The following LHFPL6 variants were observed in gnomAD, a reference collection of about 807,000 sequenced individuals.
The protein encoded by LHFPL6 is LHFPL tetraspan subfamily member 6 protein.
Under a neutral mutation model 20.6 loss-of-function variants are expected in LHFPL6, and 9 were observed. The ratio of observed to expected loss-of-function variants is 0.44; its 90% CI spans 0.26 to 0.76. The LOEUF (loss-of-function observed/expected upper bound fraction) is 0.76. Among genes scored for constraint, LHFPL6 ranks in the 30% least tolerant of loss-of-function variants. The probability of loss-of-function intolerance (pLI) is 0.20; values close to 1 mark genes in which losing one functional copy is unlikely to be tolerated. For synonymous variants in LHFPL6, 105 were observed against 98.7 expected (o/e 1.06, Z -0.38); for missense variants, 218 against 253.5 (o/e 0.86, Z 0.95).
chr13:39,366,742 C>T (rs1870023252), intron 3 of LHFPL6, among the ~76,000 whole-genome samples: 1 of 152,156 alleles, frequency 6.6e-6, no homozygotes, highest in South Asian at 2.1e-4. Flanking sequence ...CTTTGTTGCC[C>T]TCTCCTCACA....
At chr13:39,346,169 A>G (rs1458915671) in intron 3 of LHFPL6, among the ~76,000 whole-genome samples, 2 of 152,180 alleles carry the variant, frequency 1.3e-5, no homozygotes, top group Non-Finnish European at 2.9e-5. Context: ...GCGCAGATAA[A>G]AAGGCAACGC....
chr13:39,514,043 C>A (rs1445023789), intron 2 of LHFPL6, among the ~76,000 whole-genome samples: 1 of 152,046 alleles, frequency 6.6e-6, no homozygotes, highest in African/African-American at 2.4e-5. Context: ...TCAGGGAGAA[C>A]CTGAGTGATG....
intron 2 of LHFPL6, among the ~76,000 whole-genome samples, chr13:39,570,015 C>T (rs1871863757): frequency 6.6e-6 from 1 of 152,178 alleles, no homozygotes; most frequent in Non-Finnish European, 1.5e-5. Flanking sequence ...CTTCAAAATT[C>T]TGAGAGTCTA....
intron 2 of LHFPL6, among the ~76,000 whole-genome samples, chr13:39,557,304 C>G (rs1231745588): frequency 6.6e-6 from 1 of 152,226 alleles, no homozygotes; most frequent in Non-Finnish European, 1.5e-5. Flanking sequence ...CGGGGCGAGC[C>G]ATCAGCCTTG....
intron 2 of LHFPL6, among the ~76,000 whole-genome samples, chr13:39,526,232 G>A (rs1870282556): frequency 6.6e-6 from 1 of 152,126 alleles, no homozygotes; most frequent in African/African-American, 2.4e-5. Context: ...TTAGCATACA[G>A]GGTACTCAAT....
intron 2 of LHFPL6, among the ~76,000 whole-genome samples, chr13:39,547,646 C>T (rs919867554): frequency 6.6e-6 from 1 of 152,108 alleles, no homozygotes; most frequent in African/African-American, 2.4e-5. Flanking sequence ...GGATTCTGTG[C>T]TGCATGCTGC....
chr13:39,578,322 G>A (rs543529673), intron 2 of LHFPL6, among the ~76,000 whole-genome samples: 2 of 152,304 alleles, frequency 1.3e-5, no homozygotes, highest in African/African-American at 4.8e-5. Context: ...ACAGTAACAT[G>A]TTCAACTGTT....
At chr13:39,597,151 C>T (rs756027921) in intron 2 of LHFPL6, among the ~76,000 whole-genome samples, 2 of 152,164 alleles carry the variant, frequency 1.3e-5, no homozygotes, top group East Asian at 1.9e-4. Context: ...GCATTCCACA[C>T]GCATTTCATA....
intron 2 of LHFPL6, among the ~76,000 whole-genome samples, chr13:39,548,238 T>C (rs529518772): frequency 2.0e-5 from 3 of 152,192 alleles, no homozygotes; most frequent in South Asian, 2.1e-4. Flanking sequence ...AGAATATGCA[T>C]TGGGAATTCA....
intron 2 of LHFPL6, among the ~76,000 whole-genome samples, chr13:39,535,744 A>C (rs767392317): frequency 1.3e-5 from 2 of 152,350 alleles, no homozygotes; most frequent in East Asian, 3.9e-4. Flanking sequence ...ATAAGAAATT[A>C]ACTTGAAGAT....
chr13:39,354,317 T>C (rs945964650), intron 3 of LHFPL6, among the ~76,000 whole-genome samples: 1 of 152,054 alleles, frequency 6.6e-6, no homozygotes, highest in Non-Finnish European at 1.5e-5. Context: ...AAGAAGCCAA[T>C]TGACTGTACA....
intron 2 of LHFPL6, among the ~76,000 whole-genome samples, chr13:39,589,647 C>T (rs1045211745): frequency 9.9e-5 from 15 of 152,016 alleles, no homozygotes; most frequent in African/African-American, 3.6e-4. Flanking sequence ...TAAAGACAGA[C>T]ACAAAGCCTT....
chr13:39,506,938 G>C (rs931288133), intron 2 of LHFPL6, among the ~76,000 whole-genome samples: 1 of 152,132 alleles, frequency 6.6e-6, no homozygotes, highest in Non-Finnish European at 1.5e-5. Flanking sequence ...CTCTGAGCTA[G>C]CCAAGAAGGA....
At chr13:39,483,805 C>A (rs1487771515) in intron 2 of LHFPL6, among the ~76,000 whole-genome samples, 1 of 152,130 alleles carries the variant, frequency 6.6e-6, no homozygotes, top group Non-Finnish European at 1.5e-5. Context: ...TTATCTGCCA[C>A]CCTCTTCCTT....
intron 2 of LHFPL6, among the ~76,000 whole-genome samples, chr13:39,518,576 C>A (rs1400842308): frequency 4.6e-5 from 7 of 152,132 alleles, no homozygotes; most frequent in Non-Finnish European, 1.0e-4. Flanking sequence ...GTTTCTAAAT[C>A]TTTCCAAAAC....
At chr13:39,459,394 C>T (rs1872642006) in intron 2 of LHFPL6, among the ~76,000 whole-genome samples, 1 of 151,982 alleles carries the variant, frequency 6.6e-6, no homozygotes, top group South Asian at 2.1e-4. Flanking sequence ...TTCTTTTTCT[C>T]CCTTCCAACA....
intron 2 of LHFPL6, among the ~76,000 whole-genome samples, chr13:39,438,835 G>T (rs9805739): frequency 0.2 from 29,690 of 152,196 alleles, 3,073 homozygotes; most frequent in East Asian, 0.38. Context: ...GTTGAGGTTT[G>T]GGGGCCTCTA....
intron 2 of LHFPL6, among the ~76,000 whole-genome samples, chr13:39,554,026 C>T (rs764586076): frequency 3.9e-5 from 6 of 152,192 alleles, no homozygotes; most frequent in Non-Finnish European, 7.3e-5. Flanking sequence ...CTTGTTATAC[C>T]TTATGAAAGG....
At chr13:39,552,304 C>T (rs954957648) in intron 2 of LHFPL6, among the ~76,000 whole-genome samples, 1 of 152,130 alleles carries the variant, frequency 6.6e-6, no homozygotes, top group Non-Finnish European at 1.5e-5. Flanking sequence ...GAGAAGAACA[C>T]ACACAACCAT....
Sources: allele counts gnomAD v4.1 joint callset (sites outside exome capture counted in the v4.1 genomes callset), GRCh38; gene constraint gnomAD v4.1.1; transcripts MANE v1.5; gene names NCBI Gene and HGNC (gene_info 2026-07-23, HGNC 2026-07-21).